The following ATP1B3 variants were observed in gnomAD, a reference collection of about 807,000 sequenced individuals.
ATP1B3 encodes the protein ATPase Na+/K+ transporting subunit beta 3, also known as sodium/potassium-transporting ATPase subunit beta-3.
In ATP1B3, 10 loss-of-function variants were observed where a neutral mutation model predicts 30.2. That is an observed-to-expected ratio of 0.33 (90% CI 0.20 to 0.56). The LOEUF is 0.56. Ranked by LOEUF, ATP1B3 falls within the 20% of genes least tolerant of loss-of-function variation. The probability of loss-of-function intolerance (pLI) is 0.90; values close to 1 mark genes in which losing one functional copy is unlikely to be tolerated. For synonymous variants in ATP1B3, 113 were observed against 117.0 expected, an observed-to-expected ratio of 0.97 and a Z score of 0.22; for missense variants, 238 against 336.7, an observed-to-expected ratio of 0.71 and a Z score of 2.29.
At chr3:141,879,332 A>T (rs9822066) in intron 1 of ATP1B3, among the ~76,000 whole-genome samples, 2 of 151,910 alleles carry the variant, frequency 1.3e-5, no homozygotes, top group Non-Finnish European at 2.9e-5. Context: ...TAGGCCATTC[A>T]TATGTACTTT....
rs75678379 is a variant in ATP1B3, at chr3:141,882,270, C to G, written c.109+5360C>G. On this transcript the variant is annotated intron_variant, in intron 1 of 6. Coordinates refer to ENST00000286371, the MANE Select transcript of ATP1B3 (RefSeq NM_001679.4). ...ATTATTTTCTAATTTTGCATTCATT[C>G]TGTTGGTTTTGAAGAAAAGTCACCT... Among the ~76,000 whole-genome samples, 1,043 of 152,270 alleles carry G rather than the reference C, an allele frequency of 6.8e-3. 11 individuals carry two copies. Among genetic ancestry groups the G allele is most frequent in the African/African-American group, 0.024 (985 of 41,564 alleles).
chr3:141,907,381 A>G, intron 3 of ATP1B3, 107 bp downstream of exon 3: 1 of 816,710 alleles, frequency 1.2e-6, no homozygotes, highest in Non-Finnish European at 1.8e-6. Context: ...GCACTTTGGG[A>G]GGCCGAAGCG....
At chr3:141,902,349 A>T (rs966677600) in intron 1 of ATP1B3, 2 of 650,870 alleles carry the variant, frequency 3.1e-6, no homozygotes, top group Admixed American at 2.5e-5. Flanking sequence ...GAGAAATAAA[A>T]GTTATCTAGC....
At chr3:141,879,625 A>C (rs1933681178) in intron 1 of ATP1B3, among the ~76,000 whole-genome samples, 6 of 151,774 alleles carry the variant, frequency 4.0e-5, no homozygotes, top group African/African-American at 1.4e-4. Context: ...TGAAAAAAAA[A>C]AAAATTAGCC....
At chr3:141,884,305 G>C (rs892464461) in intron 1 of ATP1B3, among the ~76,000 whole-genome samples, 5 of 152,064 alleles carry the variant, frequency 3.3e-5, no homozygotes, top group African/African-American at 1.2e-4. Context: ...AAGGCATGGG[G>C]TACTTTTCTT....
intron 1 of ATP1B3, among the ~76,000 whole-genome samples, chr3:141,900,463 C>T (rs965297546): frequency 6.6e-6 from 1 of 152,148 alleles, no homozygotes; most frequent in Non-Finnish European, 1.5e-5. Flanking sequence ...CTACATGTAT[C>T]CTTTATAATA....
At chr3:141,889,749 AAATAT>A (rs1385510433) in intron 1 of ATP1B3, among the ~76,000 whole-genome samples, 3 of 79,358 alleles carry the variant, frequency 3.8e-5, no homozygotes, top group African/African-American at 5.9e-5. Flanking sequence ...AAAAAAAAAA[AAATAT>A]ATACACACAC....
chr3:141,916,385 G>C, intron 5 of ATP1B3: 1 of 474,136 alleles, frequency 2.1e-6, no homozygotes, highest in Non-Finnish European at 4.1e-6. Flanking sequence ...GTTAGTTGGC[G>C]TGCTAGTCAT....
chr3:141,908,185 GTT>G (rs1331823031), intron 3 of ATP1B3, among the ~76,000 whole-genome samples: 4 of 149,992 alleles, frequency 2.7e-5, no homozygotes, highest in Admixed American at 6.7e-5. Context: ...TTATTTTAAA[GTT>G]ATGTCTGTGT....
At chr3:141,885,619 T>G (rs952800330) in intron 1 of ATP1B3, among the ~76,000 whole-genome samples, 1 of 152,096 alleles carries the variant, frequency 6.6e-6, no homozygotes, top group Non-Finnish European at 1.5e-5. Flanking sequence ...TGGCAATTTT[T>G]GTATTTTTAG....
intron 3 of ATP1B3, 71 bp from the exon 4 acceptor site, chr3:141,913,579 AGG>A: frequency 1.6e-6 from 2 of 1,240,748 alleles, no homozygotes; most frequent in Non-Finnish European, 2.2e-6. Flanking sequence ...CATTTTCCAA[AGG>A]TTAATATATT....
At chr3:141,920,303 G>A (rs143512633) in intron 5 of ATP1B3, among the ~76,000 whole-genome samples, 3 of 152,206 alleles carry the variant, frequency 2.0e-5, no homozygotes, top group Admixed American at 6.5e-5. Context: ...GGGTGTGGTG[G>A]ATCACTTGAG....
intron 1 of ATP1B3, among the ~76,000 whole-genome samples, chr3:141,894,475 T>A (rs1259301089): frequency 6.6e-6 from 1 of 152,202 alleles, no homozygotes; most frequent in Non-Finnish European, 1.5e-5. Flanking sequence ...ATACTTTTAA[T>A]AACACTTAGC....
At chr3:141,917,772 T>A (rs1934492929) in intron 5 of ATP1B3, among the ~76,000 whole-genome samples, 2 of 144,986 alleles carry the variant, frequency 1.4e-5, no homozygotes, top group South Asian at 4.3e-4. Context: ...TTTTATTTTA[T>A]TTTTTTTTTT....
chr3:141,879,281 A>G (rs895999616), intron 1 of ATP1B3, among the ~76,000 whole-genome samples: 13 of 152,006 alleles, frequency 8.6e-5, no homozygotes, highest in African/African-American at 2.9e-4. Context: ...ACATTTTTGC[A>G]CATTTATTTC....
chr3:141,913,435 A>C (rs1934403916), intron 3 of ATP1B3, among the ~76,000 whole-genome samples: 1 of 152,156 alleles, frequency 6.6e-6, no homozygotes, highest in South Asian at 2.1e-4. Flanking sequence ...TGGATCTATA[A>C]TCCAGTTTGT....
chr3:141,915,187 C>T (rs935681121), intron 4 of ATP1B3, among the ~76,000 whole-genome samples: 4 of 152,078 alleles, frequency 2.6e-5, no homozygotes, highest in African/African-American at 9.7e-5. Context: ...TGGCCTGAGA[C>T]CATGCTTGCT....
intron 1 of ATP1B3, among the ~76,000 whole-genome samples, chr3:141,899,237 ATTG>A (rs1346686376): frequency 2.0e-5 from 3 of 152,328 alleles, no homozygotes; most frequent in East Asian, 1.9e-4. Context: ...AAAAATCAGT[ATTG>A]TTTTTAAAAA....
chr3:141,921,230 C>T (rs1209840312), intron 5 of ATP1B3, among the ~76,000 whole-genome samples: 1 of 152,116 alleles, frequency 6.6e-6, no homozygotes, highest in Non-Finnish European at 1.5e-5. Context: ...GAAAGTGTTA[C>T]ATGTGAATTT....
Sources: gnomAD v4.1 joint callset for allele counts (sites outside exome capture counted in the v4.1 genomes callset) on GRCh38, gnomAD v4.1.1 for gene constraint, MANE v1.5 for transcripts, NCBI Gene and HGNC (gene_info 2026-07-23, HGNC 2026-07-21) for gene names.